The following GPR161 variants were observed in gnomAD, a reference collection of about 807,000 sequenced individuals.
The protein encoded by GPR161 is G protein-coupled receptor 161.
GPR161 carries 25 observed loss-of-function variants against 39.2 expected under a neutral mutation model. The ratio of observed to expected loss-of-function variants is 0.64; its 90% CI spans 0.47 to 0.89. GPR161 has a LOEUF of 0.89. GPR161 is among the 40% of genes least tolerant of loss of function. The pLI is 0.00. For missense variants in GPR161, 547 were observed against 677.8 expected, an observed-to-expected ratio of 0.81 and a Z score of 2.14; for synonymous variants, 286 against 276.6, an observed-to-expected ratio of 1.03 and a Z score of -0.34.
intron 1 of GPR161, among the ~76,000 whole-genome samples, chr1:168,108,755 T>G (rs1696874674): frequency 1.3e-5 from 2 of 152,042 alleles, no homozygotes; most frequent in Non-Finnish European, 1.5e-5. Context: ...GAAAAAAGCC[T>G]AATGTAAATC....
intron 3 of GPR161, among the ~76,000 whole-genome samples, chr1:168,092,092 G>A (rs1171031999): frequency 6.6e-6 from 1 of 152,206 alleles, no homozygotes; most frequent in Non-Finnish European, 1.5e-5. Flanking sequence ...CCCTCTCGCT[G>A]CTTTTGGGAA....
intron 3 of GPR161, among the ~76,000 whole-genome samples, chr1:168,095,615 C>T (rs1176327735): frequency 2.0e-5 from 3 of 152,150 alleles, no homozygotes; most frequent in African/African-American, 7.2e-5. Context: ...GGCCATGATG[C>T]TTCGATGGAA....
chr1:168,137,146 C>T (rs1027066233), upstream of GPR161: 21 of 1,213,804 alleles, frequency 1.7e-5, no homozygotes, highest in Non-Finnish European at 2.2e-5. Flanking sequence ...TCGGCTGCTG[C>T]TCTTTGTCTC....
chr1:168,087,852 A>T (rs1009123751), intron 4 of GPR161, 148 bp from the exon 5 acceptor site: 1 of 702,458 alleles, frequency 1.4e-6, no homozygotes, highest in Non-Finnish European at 2.3e-6. Context: ...GCACGTGCCC[A>T]AGAAACACCC....
chr1:168,099,962 A>G (rs1321193963), intron 2 of GPR161, among the ~76,000 whole-genome samples: 2 of 151,752 alleles, frequency 1.3e-5, no homozygotes, highest in African/African-American at 2.4e-5. Flanking sequence ...GCACTTTGGG[A>G]GTCCAAGATA....
chr1:168,110,538 G>A (rs6693062), intron 1 of GPR161, among the ~76,000 whole-genome samples: 9,294 of 78,998 alleles, frequency 0.12, 1,029 homozygotes, highest in Admixed American at 0.16. Flanking sequence ...GAAAGGAAAG[G>A]AAAGAAAAGA....
chr1:168,131,848 C>T (rs1212008140), intron 1 of GPR161, among the ~76,000 whole-genome samples: 1 of 152,144 alleles, frequency 6.6e-6, no homozygotes, highest in Non-Finnish European at 1.5e-5. Context: ...AAAAGAGCCT[C>T]ACAAATTGAT....
At chr1:168,103,440 A>AG (rs1324705252) in intron 2 of GPR161, among the ~76,000 whole-genome samples, 9 of 138,876 alleles carry the variant, frequency 6.5e-5, no homozygotes, top group Admixed American at 4.7e-4. Context: ...AAAAAAAAAA[A>AG]AAGAGAAGCT....
At chr1:168,089,417 T>G (rs891446860) in intron 4 of GPR161, 3 of 152,214 alleles carry the variant, frequency 2.0e-5, no homozygotes, top group African/African-American at 7.2e-5. Context: ...TCTCCATGAC[T>G]AAGAGAGGTC....
intron 1 of GPR161, among the ~76,000 whole-genome samples, chr1:168,111,400 T>C (rs1488510547): frequency 6.6e-6 from 1 of 152,202 alleles, no homozygotes; most frequent in African/African-American, 2.4e-5. Flanking sequence ...CACCTGTAGT[T>C]AGGCAGGAGG....
intron 2 of GPR161, among the ~76,000 whole-genome samples, chr1:168,100,734 T>C (rs1411114865): frequency 1.3e-5 from 2 of 152,240 alleles, no homozygotes; most frequent in African/African-American, 4.8e-5. Flanking sequence ...GCACTAGTCA[T>C]CTTTGCTAGC....
chr1:168,118,736 C>T (rs1411296833), intron 1 of GPR161: 1 of 151,640 alleles, frequency 6.6e-6, no homozygotes, highest in Non-Finnish European at 1.5e-5. Flanking sequence ...GAAGCTCTGT[C>T]TCAAAAACAA....
rs1694211556 is a variant in GPR161 at position 168,083,422 on chromosome 1, A to G, written c.*2109T>C. On this transcript the variant is annotated 3_prime_UTR_variant, in exon 6 of 6. Coordinates refer to ENST00000682931, the MANE Select transcript of GPR161 (RefSeq NM_001375883.1). Reference sequence around the variant, plus strand: ...GAACATTCTCCAACCCTTGCGTTTCAAAGCCAAGCTGCTGCACTCAAGAAT... The same window carrying G: ...GAACATTCTCCAACCCTTGCGTTTCGAAGCCAAGCTGCTGCACTCAAGAAT... The G allele has an allele frequency of 6.6e-6, 1 of 152,274 alleles. No individual in the cohort carries two copies. The highest frequency in any genetic ancestry group is 1.5e-5 in the Non-Finnish European group (1 of 68,100). 9.4% of individuals were successfully genotyped at this position (152,274 alleles called of 1,614,324 possible).
intron 1 of GPR161, among the ~76,000 whole-genome samples, chr1:168,117,798 G>A (rs1697762111): frequency 6.6e-6 from 1 of 152,150 alleles, no homozygotes; most frequent in Admixed American, 6.5e-5. Flanking sequence ...GCCTCACTGT[G>A]TTGCAGACTC....
rs1315295254 is a variant in GPR161, at chr1:168,104,778, C to G, written c.73G>C (p.Gly25Arg). 1 of 1,613,784 alleles carries G rather than the reference C, an allele frequency of 6.2e-7. No homozygotes were observed. Among genetic ancestry groups the G allele is most frequent in the Admixed American group, 1.7e-5 (1 of 59,894 alleles). The change falls in exon 2 of 6, where the codon GGC becomes CGC. Residue 25 changes from glycine (G) to arginine (R), a missense_variant. By Grantham distance (125) the Gly-to-Arg change is moderately radical. Transcript: ENST00000682931. ...GCGATGAACTGGGTGATGATGACGC[C>G]CCCTTCGCCACCCTCCTCCTCAGTG... Reference protein sequence around the residue: ...NLTEEEGGEGGVIITQFIAII... With the variant: ...NLTEEEGGEGRVIITQFIAII...
chr1:168,098,751 A>G lies in GPR161; in HGVS notation c.375-1519T>C, dbSNP rs1695799330. Among the ~76,000 whole-genome samples, 1 of 152,222 alleles carries G rather than the reference A, an allele frequency of 6.6e-6. No individual in the cohort carries two copies. ...ATGCGGCCTGAGGAGAAGATTGCGC[A>G]GTGATTAGGGTGTCTATTACAGAAT... On this transcript the variant is annotated intron_variant, in intron 2 of 5. Coordinates refer to ENST00000682931, the MANE Select transcript of GPR161 (RefSeq NM_001375883.1). This position sits in a 1 kb window ranked among gnomAD's most constrained non-coding sequence, Gnocchi z 4.1.
upstream of GPR161, chr1:168,137,313 C>T: frequency 6.5e-7 from 1 of 1,532,096 alleles, no homozygotes; most frequent in African/African-American, 1.4e-5. Flanking sequence ...TCAGATTCTT[C>T]CCGCAGGCTC....
At chr1:168,132,313 C>T (rs779176284) in intron 1 of GPR161, among the ~76,000 whole-genome samples, 5 of 151,028 alleles carry the variant, frequency 3.3e-5, no homozygotes, top group East Asian at 2.0e-4. Context: ...CCAAGCCGGG[C>T]GCTGTGGCTC....
rs1694977696 is a variant in GPR161, at chr1:168,090,672, A to C, written c.1100-4T>G. On this transcript the variant is annotated splice_region_variant and splice_polypyrimidine_tract_variant and intron_variant, in intron 3 of 5. Coordinates refer to ENST00000682931, the MANE Select transcript of GPR161 (RefSeq NM_001375883.1). ...AGGTGTGGGGACAGGCCCAGGTCTGAAAGACAAAATTGGCATTGACAACAC... is the reference window on the plus strand; with the variant it reads ...AGGTGTGGGGACAGGCCCAGGTCTGCAAGACAAAATTGGCATTGACAACAC... 1 of 1,581,344 alleles carries C rather than the reference A, an allele frequency of 6.3e-7. No individual in the cohort carries two copies. The highest frequency in any genetic ancestry group is 1.7e-5 in the Admixed American group (1 of 57,964).
Sources: gnomAD v4.1 joint callset for allele counts (sites outside exome capture counted in the v4.1 genomes callset) on GRCh38, gnomAD v4.1.1 for gene constraint, Gnocchi (gnomAD v3.1) non-coding constraint, MANE v1.5 for transcripts, NCBI Gene and HGNC (gene_info 2026-07-23, HGNC 2026-07-21) for gene names.